Variants in NRP1 observed in about 807,000 individuals in gnomAD.
The protein encoded by NRP1 is neuropilin 1, also known as neuropilin-1.
NRP1 carries 35 observed loss-of-function variants against 106.7 expected under a neutral mutation model. That is an observed-to-expected ratio of 0.33 (90% CI 0.25 to 0.43). The LOEUF (loss-of-function observed/expected upper bound fraction) is 0.43, where lower values mean the gene tolerates loss of function less well. Ranked by LOEUF, NRP1 falls within the 20% of genes least tolerant of loss-of-function variation. The pLI is 1.00. For synonymous variants in NRP1, 437 were observed against 417.9 expected (o/e 1.05, Z -0.56); for missense variants, 1,024 against 1,170.4 (o/e 0.87, Z 1.83).
chr10:33,330,575 A>G (rs1420267357), intron 2 of NRP1, 133 bp downstream of exon 2: 8 of 628,866 alleles, frequency 1.3e-5, no homozygotes, highest in Non-Finnish European at 2.0e-5. Context: ...CCATTGACAT[A>G]TAATCTGGCT....
chr10:33,229,769 A>G (rs928827156), intron 6 of NRP1, among the ~76,000 whole-genome samples: 69 of 152,280 alleles, frequency 4.5e-4, no homozygotes, highest in African/African-American at 1.6e-3. Flanking sequence ...CAACACAGGA[A>G]GATACAAAGG....
At chr10:33,214,746 C>G (rs1195806134) in intron 8 of NRP1, among the ~76,000 whole-genome samples, 1 of 152,144 alleles carries the variant, frequency 6.6e-6, no homozygotes, top group Non-Finnish European at 1.5e-5. Context: ...TAGGAGTAGC[C>G]TATCACTAGA....
At chr10:33,318,538 T>G (rs1461803246) in intron 2 of NRP1, among the ~76,000 whole-genome samples, 1 of 151,988 alleles carries the variant, frequency 6.6e-6, no homozygotes, top group Admixed American at 6.5e-5. Context: ...ATTCTAATAG[T>G]TACTCAGTAG....
In NRP1 at chr10:33,235,657, T is replaced by G. The variant is rs576418600; in HGVS notation, c.982-9368A>C. On this transcript the variant is annotated intron_variant, in intron 6 of 16. Transcript: ENST00000374867. The stretch of plus-strand genomic sequence containing the variant: ...AAATATTCCATTTACATTCCTCTCT[T>G]ACTTGATAAACCCGTAAAAATCTGG... Among the ~76,000 whole-genome samples the G allele has an allele frequency of 3.2e-3, 492 of 152,304 alleles. 2 individuals are homozygous for G. The highest frequency in any genetic ancestry group is 5.4e-3 in the Non-Finnish European group (365 of 68,022).
chr10:33,281,178 T>C (rs529535493), intron 2 of NRP1, among the ~76,000 whole-genome samples: 1 of 152,074 alleles, frequency 6.6e-6, no homozygotes, highest in South Asian at 2.1e-4. Flanking sequence ...GCCTCCCAAG[T>C]AGCTGGGATT....
At chr10:33,225,660 C>T (rs947010153) in intron 7 of NRP1, among the ~76,000 whole-genome samples, 4 of 152,180 alleles carry the variant, frequency 2.6e-5, no homozygotes, top group African/African-American at 7.2e-5. Context: ...TTTGGTTCCA[C>T]GCGTTCTTAC....
chr10:33,188,615 G>C (rs919334820), intron 13 of NRP1, among the ~76,000 whole-genome samples: 1 of 151,802 alleles, frequency 6.6e-6, no homozygotes, highest in East Asian at 1.9e-4. Flanking sequence ...GGTGGTCCAC[G>C]CCTGTAATCC....
At chr10:33,315,466 G>A (rs1846956692) in intron 2 of NRP1, among the ~76,000 whole-genome samples, 1 of 152,204 alleles carries the variant, frequency 6.6e-6, no homozygotes, top group African/African-American at 2.4e-5. Context: ...AGACTCATTG[G>A]TTGTCAATTG....
chr10:33,185,522 C>T, intron 15 of NRP1, 106 bp downstream of exon 15: 1 of 807,496 alleles, frequency 1.2e-6, no homozygotes, highest in Non-Finnish European at 2.0e-6. Flanking sequence ...GCCGAGAGGC[C>T]ACACCGAAAT....
At chr10:33,268,216 GT>G (rs1843053605) in intron 3 of NRP1, among the ~76,000 whole-genome samples, 1 of 152,120 alleles carries the variant, frequency 6.6e-6, no homozygotes, top group Non-Finnish European at 1.5e-5. Context: ...AGTTGATGCT[GT>G]TTTGAGCAGG....
chr10:33,209,540 G>A (rs1002127349), intron 9 of NRP1, among the ~76,000 whole-genome samples: 4 of 152,134 alleles, frequency 2.6e-5, no homozygotes, highest in East Asian at 1.9e-4. Context: ...GCAGTGGTGC[G>A]ATCTCAGCTC....
chr10:33,290,950 A>G (rs576320316), intron 2 of NRP1, among the ~76,000 whole-genome samples: 1 of 152,048 alleles, frequency 6.6e-6, no homozygotes, highest in South Asian at 2.1e-4. Context: ...TGCTTCCTTG[A>G]TCTCTTTCTT....
intron 3 of NRP1, among the ~76,000 whole-genome samples, chr10:33,270,155 A>AT (rs34807815): frequency 4.0e-4 from 60 of 149,576 alleles, no homozygotes; most frequent in Admixed American, 6.0e-4. Flanking sequence ...GCTGAAATAC[A>AT]TTTTTTTTTT....
intron 2 of NRP1, among the ~76,000 whole-genome samples, chr10:33,318,890 C>T (rs1326710157): frequency 2.0e-5 from 3 of 151,424 alleles, no homozygotes; most frequent in East Asian, 2.0e-4. Context: ...CAAACATCTG[C>T]GTCAGGCTTG....
Position 33,178,225 on chromosome 10 carries a change from C to T in NRP1, c.*1851G>A, listed in dbSNP as rs914062049. 2 of 152,304 alleles carry T rather than the reference C, an allele frequency of 1.3e-5. No individual in the cohort carries two copies. The highest frequency in any genetic ancestry group is 2.4e-5 in the African/African-American group (1 of 41,442). The allele number at this position is 152,304 out of a possible 1,614,324, so 9.4% of individuals were successfully genotyped here. On this transcript the variant is annotated 3_prime_UTR_variant, in exon 17 of 17. Coordinates refer to ENST00000374867, the MANE Select transcript of NRP1 (RefSeq NM_003873.7). ...TCCCAACAAATGTCTTTGAGTGAGACGTCTAGCAATGTGGGAAGGAAGATC... is the reference window on the plus strand; with the variant it reads ...TCCCAACAAATGTCTTTGAGTGAGATGTCTAGCAATGTGGGAAGGAAGATC...
At chr10:33,212,962 A>G (rs1838427740) in intron 9 of NRP1, 1 of 444,344 alleles carries the variant, frequency 2.3e-6, no homozygotes, top group African/African-American at 2.0e-5. Context: ...TGAGCCACTG[A>G]GCCTGGCCCA....
At chr10:33,280,376 A>G (rs1844031399) in intron 2 of NRP1, among the ~76,000 whole-genome samples, 1 of 152,224 alleles carries the variant, frequency 6.6e-6, no homozygotes, top group East Asian at 1.9e-4. Context: ...AAAGTTCAGT[A>G]TTTGTAGAAA....
At chr10:33,277,916 T>C (rs1025575259) in intron 2 of NRP1, among the ~76,000 whole-genome samples, 2 of 152,198 alleles carry the variant, frequency 1.3e-5, no homozygotes, top group Admixed American at 1.3e-4. Flanking sequence ...GCTCTCTGTG[T>C]ATTATAAGCA....
chr10:33,311,583 G>C (rs1846610029), intron 2 of NRP1, among the ~76,000 whole-genome samples: 1 of 152,146 alleles, frequency 6.6e-6, no homozygotes, highest in South Asian at 2.1e-4. Flanking sequence ...GCACATACTG[G>C]TTGGTCAATA....
Sources: allele counts gnomAD v4.1 joint callset (sites outside exome capture counted in the v4.1 genomes callset), GRCh38; gene constraint gnomAD v4.1.1; transcripts MANE v1.5; gene names NCBI Gene and HGNC (gene_info 2026-07-23, HGNC 2026-07-21).